The following DCLK2 variants were observed in gnomAD, a reference collection of about 807,000 sequenced individuals.
The protein encoded by DCLK2 is serine/threonine-protein kinase DCLK2.
Under a neutral mutation model 78.4 loss-of-function variants are expected in DCLK2, and 31 were observed. The ratio of observed to expected loss-of-function variants is 0.40; its 90% CI spans 0.30 to 0.53. The LOEUF (loss-of-function observed/expected upper bound fraction) is 0.53, where lower values mean the gene tolerates loss of function less well. DCLK2 is among the 20% of genes least tolerant of loss of function. DCLK2 has a pLI of 0.61. For missense variants in DCLK2, 872 were observed against 973.7 expected (o/e 0.90, Z 1.39); for synonymous variants, 407 against 374.9 (o/e 1.09, Z -0.99).
At chr4:150,195,931 T>C (rs1318660648) in intron 3 of DCLK2, among the ~76,000 whole-genome samples, 1 of 152,136 alleles carries the variant, frequency 6.6e-6, no homozygotes, top group Non-Finnish European at 1.5e-5. Flanking sequence ...GTAATATGCG[T>C]CCACTGCTAT....
chr4:150,138,081 T>C (rs1217800665), intron 2 of DCLK2, among the ~76,000 whole-genome samples: 2 of 152,254 alleles, frequency 1.3e-5, no homozygotes, highest in Non-Finnish European at 2.9e-5. Flanking sequence ...TTTGTAATAA[T>C]GTCTACCCTT....
At chr4:150,232,862 T>C (rs775895997) in intron 10 of DCLK2, 34 bp downstream of exon 10, 3 of 1,600,918 alleles carry the variant, frequency 1.9e-6, no homozygotes, top group Non-Finnish European at 2.6e-6. Flanking sequence ...TTCCAATGAA[T>C]GCCTCTCTTC....
At chr4:150,215,975 A>G (rs75373627) in intron 5 of DCLK2, among the ~76,000 whole-genome samples, 2,290 of 152,336 alleles carry the variant, frequency 0.015, 64 homozygotes, top group African/African-American at 0.053. Context: ...TGTGGAAGTT[A>G]ATGAGCCAGG....
chr4:150,159,173 A>T (rs1735528762), intron 2 of DCLK2, among the ~76,000 whole-genome samples: 1 of 152,174 alleles, frequency 6.6e-6, no homozygotes, highest in Admixed American at 6.5e-5. Flanking sequence ...CAGACACCAC[A>T]TCAAAGGGAG....
rs1460181272 is a variant in DCLK2, at chr4:150,143,676, G to A, written c.756+40864G>A. Among the ~76,000 whole-genome samples, 4 of 152,244 alleles carry A rather than the reference G, an allele frequency of 2.6e-5. No individual in the cohort carries two copies. In the East Asian group the frequency reaches 7.7e-4, roughly 29 times the overall value. Reference sequence around the variant, plus strand: ...GAACTAATTTACATTCCCACCAACAGTGTATAAGCCTTCCCTTTTCTCTGC... The same window carrying A: ...GAACTAATTTACATTCCCACCAACAATGTATAAGCCTTCCCTTTTCTCTGC... On this transcript the variant is annotated intron_variant, in intron 2 of 15. Transcript: ENST00000296550.
Position 150,198,019 on chromosome 4 carries a change from T to A in DCLK2, c.877T>A (p.Ser293Thr). ...TTTTCTAGAATGTCGTGTCCTGAAG[T>A]CATCTTATTCTCGATCCTCAGCTGT... ...LDHSECRVLKSSYSRSSAVKY... is the reference protein window; with the variant it reads ...LDHSECRVLKTSYSRSSAVKY... Residue 293 changes from serine to threonine, a missense_variant, in exon 4 of 16, where the codon TCA becomes ACA. Ser to Thr is a moderately conservative substitution (Grantham distance 58). This residue lies in a region of DCLK2 where 567 missense variants were observed against 593.4 expected (regional missense o/e 0.96). Coordinates refer to ENST00000296550, the MANE Select transcript of DCLK2 (RefSeq NM_001040260.4). The A allele has an allele frequency of 1.2e-6, 2 of 1,613,392 alleles. No individual in the cohort carries two copies. Among genetic ancestry groups the A allele is most frequent in the Non-Finnish European group, 1.7e-6 (2 of 1,179,830 alleles).
At position 150,256,185 on chromosome 4, in the gene DCLK2, C is replaced by G. The variant is rs766110308; in HGVS notation, c.2239C>G (p.His747Asp). The change falls in exon 16 of 16, where the codon CAC (histidine) becomes GAC (aspartate). Residue 747 changes from histidine (H) to aspartate (D), a missense_variant. His to Asp is a moderately conservative substitution (Grantham distance 81). This residue lies in a region of DCLK2 where 219 missense variants were observed against 230.1 expected (regional missense o/e 0.95). Coordinates refer to ENST00000296550, the MANE Select transcript of DCLK2 (RefSeq NM_001040260.4). ...CACCCCTCCGGAATCTCCCACCCCCCACCCTCCTCCCGCTGCCCCGGGTGG... is the reference window on the plus strand; with the variant it reads ...CACCCCTCCGGAATCTCCCACCCCCGACCCTCCTCCCGCTGCCCCGGGTGG... ...APTPPESPTP[H>D]PPPAAPGGER... The G allele has an allele frequency of 1.3e-6, 2 of 1,538,972 alleles. No homozygotes were observed. The highest frequency in any genetic ancestry group is 2.0e-5 in the Admixed American group (1 of 50,956).
intron 5 of DCLK2, among the ~76,000 whole-genome samples, chr4:150,216,787 T>C (rs1740756165): frequency 1.3e-5 from 2 of 152,126 alleles, no homozygotes; most frequent in South Asian, 4.1e-4. Context: ...TCTTCACGGT[T>C]CTCTTCTGTC....
At chr4:150,242,970 C>CAGTG (rs1407372594) in intron 12 of DCLK2, among the ~76,000 whole-genome samples, 1 of 152,104 alleles carries the variant, frequency 6.6e-6, no homozygotes, top group African/African-American at 2.4e-5. Flanking sequence ...GGGCCAGTTA[C>CAGTG]AGTGGAGTTC....
chr4:150,198,201 G>A (rs1124359), intron 4 of DCLK2, 98 bp downstream of exon 4: 56,602 of 1,036,748 alleles, frequency 0.055, 1,756 homozygotes, highest in Non-Finnish European at 0.064. Flanking sequence ...TGCCAGGGTC[G>A]TATGCAGCCA....
chr4:150,178,872 C>G (rs1167364831), intron 2 of DCLK2, among the ~76,000 whole-genome samples: 2 of 152,114 alleles, frequency 1.3e-5, no homozygotes, highest in Non-Finnish European at 2.9e-5. Flanking sequence ...TCTAAGCTCA[C>G]AAATGTTAAA....
At chr4:150,205,871 C>T (rs980176008) in intron 5 of DCLK2, among the ~76,000 whole-genome samples, 1 of 152,212 alleles carries the variant, frequency 6.6e-6, no homozygotes, top group Admixed American at 6.5e-5. Context: ...CCTTCATATT[C>T]CTCCCCCAGG....
intron 2 of DCLK2, among the ~76,000 whole-genome samples, chr4:150,175,831 C>T (rs1737048287): frequency 6.6e-6 from 1 of 152,152 alleles, no homozygotes; most frequent in Non-Finnish European, 1.5e-5. Flanking sequence ...GTGGCCCTGC[C>T]TCTTGGCATT....
At chr4:150,118,190 C>T (rs906259106) in intron 2 of DCLK2, among the ~76,000 whole-genome samples, 24 of 152,086 alleles carry the variant, frequency 1.6e-4, no homozygotes, top group African/African-American at 5.8e-4. Flanking sequence ...ATAAGCTGAT[C>T]AGGCTCTGGG....
intron 2 of DCLK2, among the ~76,000 whole-genome samples, chr4:150,166,160 T>C (rs1255901095): frequency 1.3e-5 from 2 of 152,014 alleles, no homozygotes; most frequent in South Asian, 2.1e-4. Flanking sequence ...TTAATGGAGG[T>C]AATTTAGATA....
intron 5 of DCLK2, among the ~76,000 whole-genome samples, chr4:150,215,636 A>G (rs1302001181): frequency 6.6e-6 from 1 of 152,160 alleles, no homozygotes; most frequent in Non-Finnish European, 1.5e-5. Flanking sequence ...ACGTCCACAT[A>G]CTCAGCTATC....
chr4:150,159,975 C>A (rs953769719), intron 2 of DCLK2, among the ~76,000 whole-genome samples: 6 of 150,940 alleles, frequency 4.0e-5, no homozygotes, highest in Non-Finnish European at 1.5e-5. Flanking sequence ...CTTTTGTTTG[C>A]AGACCCTCTT....
At chr4:150,137,537 A>C (rs1385909089) in intron 2 of DCLK2, among the ~76,000 whole-genome samples, 1 of 152,200 alleles carries the variant, frequency 6.6e-6, no homozygotes, top group East Asian at 1.9e-4. Context: ...AGAAGCCTGA[A>C]CTATAAGCTT....
At chr4:150,245,610 A>G (rs968275459) in intron 12 of DCLK2, among the ~76,000 whole-genome samples, 1 of 151,952 alleles carries the variant, frequency 6.6e-6, no homozygotes, top group Non-Finnish European at 1.5e-5. Flanking sequence ...GAGTGAGAAC[A>G]TGTGGTGTTT....
Sources: gnomAD v4.1 joint callset for allele counts (sites outside exome capture counted in the v4.1 genomes callset) on GRCh38, gnomAD v4.1.1 for gene constraint, gnomAD v4.1.1 regional missense constraint, MANE v1.5 for transcripts, NCBI Gene and HGNC (gene_info 2026-07-23, HGNC 2026-07-21) for gene names.